Variants in ABCB5 observed in about 807,000 individuals in gnomAD.
The protein encoded by ABCB5 is ATP binding cassette subfamily B member 5, also known as ATP-binding cassette sub-family B member 5.
Under a neutral mutation model 144.2 loss-of-function variants are expected in ABCB5, and 155 were observed. The ratio of observed to expected loss-of-function variants is 1.08; its 90% CI spans 0.94 to 1.23. The LOEUF is 1.23. Among genes scored for constraint, ABCB5 ranks in the 50% most tolerant of loss-of-function variants. The pLI is 0.00. For missense variants in ABCB5, 1,830 were observed against 1,520.8 expected, an observed-to-expected ratio of 1.20 and a Z score of -3.38; for synonymous variants, 610 against 528.6, an observed-to-expected ratio of 1.15 and a Z score of -2.11.
chr7:20,755,320 A>G (rs1243755797), intron 27 of ABCB5, 107 bp from the exon 28 acceptor site: 1 of 924,012 alleles, frequency 1.1e-6, no homozygotes, highest in Non-Finnish European at 1.6e-6. Context: ...TTTGGGGACA[A>G]GCAAATAAAG....
At chr7:20,647,459 A>G in intron 9 of ABCB5, 76 bp from the exon 10 acceptor site, 1 of 1,462,792 alleles carries the variant, frequency 6.8e-7, no homozygotes, top group Non-Finnish European at 9.0e-7. Flanking sequence ...GCCTAAACCA[A>G]TAATTATATA....
intron 16 of ABCB5, among the ~76,000 whole-genome samples, chr7:20,695,539 T>A (rs1350756708): frequency 6.6e-6 from 1 of 151,904 alleles, no homozygotes; most frequent in African/African-American, 2.4e-5. Context: ...AACAAATGCA[T>A]AATTTATAAA....
chr7:20,661,534 C>CTATTTTTTT (rs1406657803), intron 14 of ABCB5, among the ~76,000 whole-genome samples: 1 of 132,388 alleles, frequency 7.6e-6, no homozygotes. Flanking sequence ...TCTTTCTTTT[C>CTATTTTTTT]TTTTTCTTTT....
intron 20 of ABCB5, among the ~76,000 whole-genome samples, chr7:20,710,146 G>T (rs573493398): frequency 1.3e-5 from 2 of 148,240 alleles, no homozygotes; most frequent in Non-Finnish European, 3.0e-5. Context: ...AGACCGAGGC[G>T]GGTGGATCAC....
Position 20,643,562 on chromosome 7 carries a change from G to A in ABCB5, c.608G>A (p.Gly203Asp). The change falls in exon 7 of 28, where the codon GGC becomes GAC. Residue 203 changes from glycine to aspartate, a missense_variant. Transcript: ENST00000404938. ...SIGLAVGLVK[G>D]WKLTLVTLST... ...GGCCTGGCAGTTGGTTTGGTGAAGG[G>A]CTGGAAACTCACCCTAGTGACTCTA... 6.2e-7 allele frequency: 1 copy of A among 1,613,980 alleles called. No homozygotes were observed. The highest frequency in any genetic ancestry group is 1.7e-4 in the Middle Eastern group (1 of 6,060).
chr7:20,734,446 G>A (rs900348580), intron 23 of ABCB5, among the ~76,000 whole-genome samples: 3 of 149,160 alleles, frequency 2.0e-5, no homozygotes, highest in Non-Finnish European at 4.4e-5. Flanking sequence ...ATCTAGTATG[G>A]GGCAGGAATC....
At chr7:20,633,811 T>C (rs981331296) in intron 5 of ABCB5, among the ~76,000 whole-genome samples, 1 of 152,150 alleles carries the variant, frequency 6.6e-6, no homozygotes, top group East Asian at 1.9e-4. Flanking sequence ...TCTGTTCTTC[T>C]TTAGTTTTAA....
intron 13 of ABCB5, among the ~76,000 whole-genome samples, chr7:20,652,909 C>T (rs2285558): frequency 0.36 from 54,854 of 152,020 alleles, 10,706 homozygotes; most frequent in African/African-American, 0.51. Context: ...ACTTGACGGA[C>T]TGTAATAATT....
At chr7:20,667,713 GCC>G in intron 14 of ABCB5, 1 of 148,828 alleles carries the variant, frequency 6.7e-6, no homozygotes, top group African/African-American at 2.8e-5. Flanking sequence ...CCCTGCCCCT[GCC>G]CCTGCCCCTG....
chr7:20,718,900 G>C (rs1781772771), intron 20 of ABCB5, among the ~76,000 whole-genome samples: 1 of 152,100 alleles, frequency 6.6e-6, no homozygotes, highest in African/African-American at 2.4e-5. Flanking sequence ...TAGGGCATTT[G>C]AGTGTAAGTA....
intron 14 of ABCB5, among the ~76,000 whole-genome samples, chr7:20,678,008 T>G (rs7805048): frequency 0.042 from 6,338 of 152,222 alleles, 347 homozygotes; most frequent in African/African-American, 0.13. Flanking sequence ...CCCTTCTAAA[T>G]CTTTCTTACT....
intron 23 of ABCB5, among the ~76,000 whole-genome samples, chr7:20,736,922 GCT>G (rs1413797641): frequency 6.6e-6 from 1 of 152,160 alleles, no homozygotes; most frequent in Non-Finnish European, 1.5e-5. Context: ...GGGCGCAGTG[GCT>G]CATGCCTATA....
chr7:20,643,466 T>A lies in ABCB5; in HGVS notation c.512T>A (p.Ile171Asn). ...CATTTATTTGCTTGTTTCAGTGACATTGACAAAATCAGTGATGGTATTGGA... is the reference window on the plus strand; with the variant it reads ...CATTTATTTGCTTGTTTCAGTGACAATGACAAAATCAGTGATGGTATTGGA... ...GELNTRMTDD[I>N]DKISDGIGDK... The change falls in exon 7 of 28, where the codon ATT becomes AAT. Residue 171 changes from isoleucine to asparagine, a missense_variant. Coordinates refer to ENST00000404938, the MANE Select transcript of ABCB5 (RefSeq NM_001163941.2). The A allele has an allele frequency of 6.2e-7, 1 of 1,614,026 alleles. No individual in the cohort carries two copies. The highest frequency in any genetic ancestry group is 8.5e-7 in the Non-Finnish European group (1 of 1,179,870).
rs1294087600 is a variant in ABCB5 at position 20,646,072 on chromosome 7, T to G, written c.915T>G (p.Ala305=). The change falls in exon 9 of 28, where the codon GCT becomes GCG. Residue 305 remains alanine, a synonymous_variant. Coordinates refer to ENST00000404938, the MANE Select transcript of ABCB5 (RefSeq NM_001163941.2). The part of the protein sequence containing the change: ...YFFMNGTYGL[A]FWYGTSLILN... ...TTATGAATGGAACCTATGGACTTGCTTTTTGGTATGGAACCTCCTTGATTC... is the reference window on the plus strand; with the variant it reads ...TTATGAATGGAACCTATGGACTTGCGTTTTGGTATGGAACCTCCTTGATTC... 1 of 1,613,830 alleles carries G rather than the reference T, an allele frequency of 6.2e-7. No homozygotes were observed. Among genetic ancestry groups the G allele is most frequent in the Non-Finnish European group, 8.5e-7 (1 of 1,179,784 alleles).
chr7:20,622,056 T>A (rs73684571), intron 1 of ABCB5, among the ~76,000 whole-genome samples: 1 of 152,116 alleles, frequency 6.6e-6, no homozygotes, highest in Non-Finnish European at 1.5e-5. Context: ...AGTTACAGCA[T>A]GATCAGAAGA....
chr7:20,718,527 G>A (rs73684826), intron 20 of ABCB5, among the ~76,000 whole-genome samples: 3,546 of 152,228 alleles, frequency 0.023, 131 homozygotes, highest in African/African-American at 0.081. Flanking sequence ...ATGTTTTAGT[G>A]AGAAATTGGA....
Position 20,745,614 on chromosome 7 carries a change from G to A in ABCB5, c.3429+176G>A, listed in dbSNP as rs113642230. Among the ~76,000 whole-genome samples, 391 of 152,280 alleles carry A rather than the reference G, an allele frequency of 2.6e-3. 4 individuals are homozygous for A. The highest frequency in any genetic ancestry group is 8.9e-3 in the African/African-American group (371 of 41,548). ...GCGAAAAACCAAGTTTGAGATTTTC[G>A]TGTGACGATTTTCCTACGACCAAAA... On this transcript the variant is annotated intron_variant, in intron 26 of 27. Coordinates refer to ENST00000404938, the MANE Select transcript of ABCB5 (RefSeq NM_001163941.2).
chr7:20,739,226 C>A (rs368179490), intron 24 of ABCB5, 87 bp downstream of exon 24: 12 of 1,158,944 alleles, frequency 1.0e-5, no homozygotes, highest in Non-Finnish European at 1.3e-5. Flanking sequence ...GAGAGAGGGG[C>A]AAGGGCTGAA....
intron 20 of ABCB5, among the ~76,000 whole-genome samples, chr7:20,721,932 C>A (rs1161907215): frequency 6.6e-6 from 1 of 152,112 alleles, no homozygotes; most frequent in African/African-American, 2.4e-5. Flanking sequence ...ATAACTCAAG[C>A]CATCTTTTCC....
Sources: allele counts gnomAD v4.1 joint callset (sites outside exome capture counted in the v4.1 genomes callset), GRCh38; gene constraint gnomAD v4.1.1; transcripts MANE v1.5; gene names NCBI Gene and HGNC (gene_info 2026-07-23, HGNC 2026-07-21).